The following PSMD1 variants were observed in gnomAD, a reference collection of about 807,000 sequenced individuals.
PSMD1 encodes the protein 26S proteasome non-ATPase regulatory subunit 1.
In PSMD1, 18 loss-of-function variants were observed where a neutral mutation model predicts 119.0. The observed-to-expected ratio is 0.15, with a 90% confidence interval of 0.10 to 0.22. The LOEUF (loss-of-function observed/expected upper bound fraction) is 0.22. Among genes scored for constraint, PSMD1 ranks in the 10% least tolerant of loss-of-function variants. The pLI, the probability that PSMD1 is intolerant of heterozygous loss-of-function variation, is 1.00. For synonymous variants in PSMD1, 374 were observed against 396.6 expected (o/e 0.94, Z 0.68); for missense variants, 702 against 1,158.5 (o/e 0.61, Z 5.72).
At chr2:231,117,484 A>G (rs1361546558) in intron 16 of PSMD1, among the ~76,000 whole-genome samples, 1 of 152,150 alleles carries the variant, frequency 6.6e-6, no homozygotes, top group Non-Finnish European at 1.5e-5. Context: ...ATTTCTGTCA[A>G]TGCCTGAAAT....
At chr2:231,123,320 TTTCAAGAAAAGTAAAG>T in intron 16 of PSMD1, 1 of 955,952 alleles carries the variant, frequency 1.0e-6, no homozygotes, top group Non-Finnish European at 1.7e-6. Context: ...TCATCTTTTA[TTTCAAGAAAAGTAAAG>T]ATTAAATGAG....
intron 17 of PSMD1, among the ~76,000 whole-genome samples, chr2:231,139,558 T>TAAAAAAAAAA (rs35924284): frequency 8.7e-6 from 1 of 114,344 alleles, no homozygotes. Context: ...ATTGATTTCT[T>TAAAAAAAAAA]AAAAAAAAAA....
chr2:231,111,618 G>T (rs1695159180), intron 16 of PSMD1, among the ~76,000 whole-genome samples: 1 of 152,148 alleles, frequency 6.6e-6, no homozygotes, highest in Admixed American at 6.5e-5. Flanking sequence ...TGAGCTTATT[G>T]TCATCTGCAT....
rs929142063 is a variant in PSMD1 at position 231,064,080 on chromosome 2, A to G, written c.304+1405A>G. 9.8e-5 allele frequency among the ~76,000 whole-genome samples: 15 copies of G among 152,332 alleles called. No individual in the cohort carries two copies. The East Asian group carries it at 1.7e-3, about 18-fold the overall frequency. On this transcript the variant is annotated intron_variant, in intron 4 of 24. Transcript: ENST00000308696. ...AACTGGACTGTTGGTATGAAGTGCT[A>G]TGGCATGGTAGATGCCTTCTAAACA...
chr2:231,076,167 G>GA (rs1460822178), intron 8 of PSMD1, among the ~76,000 whole-genome samples: 1 of 152,090 alleles, frequency 6.6e-6, no homozygotes, highest in African/African-American at 2.4e-5. Context: ...ATCACAGGGT[G>GA]AAAAAAAGGT....
In PSMD1 at chr2:231,170,523, T is replaced by A; in HGVS notation, c.2716-43T>A. The A allele has an allele frequency of 6.6e-7, 1 of 1,517,406 alleles. No homozygotes were observed. The highest frequency in any genetic ancestry group is 8.8e-7 in the Non-Finnish European group (1 of 1,131,592). The allele number at this position is 1,517,406 out of a possible 1,614,324, so 94.0% of individuals were successfully genotyped here. On this transcript the variant is annotated intron_variant, in intron 23 of 24. Transcript: ENST00000308696. The surrounding 1 kb of genome is among the most constrained non-coding windows in gnomAD (Gnocchi z 4.1). The stretch of plus-strand genomic sequence containing the variant: ...ATTTACTCTAGATTGTGGAGCACGC[T>A]TGAAATATGAGTGTACGCTTCTGCA...
In PSMD1 at chr2:231,161,529, G is replaced by C. The variant is rs752972758; in HGVS notation, c.2388+20G>C. The C allele has an allele frequency of 4.4e-6, 7 of 1,595,816 alleles. No homozygotes were observed. The Admixed American group carries it at 1.2e-4, about 28-fold the overall frequency. On this transcript the variant is annotated intron_variant, in intron 20 of 24. Transcript: ENST00000308696. ...TTAAAGGTATGTCTGTGAGACCTCA[G>C]CTTTGTAGTATTTCCTGTTCACCGT...
At chr2:231,156,647 A>G (rs1049673378) in intron 19 of PSMD1, among the ~76,000 whole-genome samples, 3 of 152,060 alleles carry the variant, frequency 2.0e-5, no homozygotes, top group Non-Finnish European at 4.4e-5. Flanking sequence ...CTGTAGTGAT[A>G]TCCCCTTTTT....
intron 24 of PSMD1, among the ~76,000 whole-genome samples, chr2:231,171,960 T>G (rs954173903): frequency 1.3e-5 from 2 of 152,164 alleles, no homozygotes; most frequent in African/African-American, 4.8e-5. Context: ...ACTAGCAATT[T>G]AGGAAAGATT....
At chr2:231,102,394 CGA>C (rs1048028352) in intron 16 of PSMD1, among the ~76,000 whole-genome samples, 1 of 152,126 alleles carries the variant, frequency 6.6e-6, no homozygotes, top group African/African-American at 2.4e-5. Flanking sequence ...CTTACACTGT[CGA>C]AAATTCACGT....
chr2:231,066,825 A>T, intron 4 of PSMD1, 81 bp from the exon 5 acceptor site: 1 of 1,141,086 alleles, frequency 8.8e-7, no homozygotes, highest in South Asian at 1.7e-5. Context: ...ATAAGTATAT[A>T]TGATTATAAA....
At chr2:231,110,938 C>T (rs1158586146) in intron 16 of PSMD1, among the ~76,000 whole-genome samples, 2 of 152,200 alleles carry the variant, frequency 1.3e-5, no homozygotes, top group Non-Finnish European at 2.9e-5. Context: ...CCTGCTTTAC[C>T]CTGTTACTTT....
intron 14 of PSMD1, 62 bp from the exon 15 acceptor site, chr2:231,084,957 T>C: frequency 1.5e-6 from 2 of 1,360,152 alleles, no homozygotes; most frequent in Non-Finnish European, 2.1e-6. Context: ...CTATGCCTAT[T>C]AGACTGTAGA....
rs1197395759 is a variant in PSMD1, at chr2:231,139,566, AAAAAAAAAAG to A, written c.1998+719_1998+728del. 3.4e-5 allele frequency among the ~76,000 whole-genome samples: 5 copies of A among 148,726 alleles called. No homozygotes were observed. The East Asian group carries it at 7.7e-4, about 23-fold the overall frequency. Reference sequence around the variant, plus strand: ...CTGGCCCATTGATTTCTTAAAAAAAAAAAAAAAAAGAAGAAGAAGAAGAAGAAAATAAAAT... The same window carrying A: ...CTGGCCCATTGATTTCTTAAAAAAAAAAGAAGAAGAAGAAGAAAATAAAAT... On this transcript the variant is annotated intron_variant, in intron 17 of 24. Transcript: ENST00000308696.
At chr2:231,108,346 G>A in intron 16 of PSMD1, 2 of 588,942 alleles carry the variant, frequency 3.4e-6, no homozygotes, top group Non-Finnish European at 5.9e-6. Context: ...TTTCCTCATG[G>A]AATAATCTTG....
At chr2:231,133,902 T>C (rs942251826) in intron 16 of PSMD1, among the ~76,000 whole-genome samples, 3 of 152,248 alleles carry the variant, frequency 2.0e-5, no homozygotes, top group African/African-American at 7.2e-5. Flanking sequence ...CAGTGACTTA[T>C]GCATATGCCC....
intron 16 of PSMD1, among the ~76,000 whole-genome samples, chr2:231,111,216 A>G (rs1281665012): frequency 1.3e-5 from 2 of 152,196 alleles, no homozygotes; most frequent in Non-Finnish European, 2.9e-5. Context: ...TATTTGCACT[A>G]AAGCCATCTA....
chr2:231,138,844 A>C lies in PSMD1; in HGVS notation c.1992A>C (p.Gly664=), dbSNP rs1216234862. 20 of 1,612,608 alleles carry C rather than the reference A, an allele frequency of 1.2e-5. No individual in the cohort carries two copies. The highest frequency in any genetic ancestry group is 1.6e-5 in the Non-Finnish European group (19 of 1,178,778). The change falls in exon 17 of 25, where the codon GGA becomes GGC. Residue 664 remains glycine (G), a synonymous_variant. Coordinates refer to ENST00000308696, the MANE Select transcript of PSMD1 (RefSeq NM_002807.4). The stretch of plus-strand genomic sequence containing the variant: ...TGGGGATATGCTGTGCTGGTACAGG[A>C]AACAAGGTAAAGCCCACAGCCAATG... ...MALGICCAGT[G]NKEAINLLEP...
At chr2:231,168,864 GCAAGGTCATGGGACCCTTCCTCAGA>G (rs1696846915) in intron 23 of PSMD1, among the ~76,000 whole-genome samples, 1 of 152,202 alleles carries the variant, frequency 6.6e-6, no homozygotes, top group African/African-American at 2.4e-5. Context: ...ACCCTCAGTG[GCAAGGTCATGGGACCCTTCCTCAGA>G]CACTGCATTT....
Sources: gnomAD v4.1 joint callset for allele counts (sites outside exome capture counted in the v4.1 genomes callset) on GRCh38, gnomAD v4.1.1 for gene constraint, Gnocchi (gnomAD v3.1) non-coding constraint, MANE v1.5 for transcripts, NCBI Gene and HGNC (gene_info 2026-07-23, HGNC 2026-07-21) for gene names.